ADGRB3: variants seen among roughly 807,000 people sequenced by gnomAD.
ADGRB3 encodes adhesion G protein-coupled receptor B3.
Under a neutral mutation model 193.4 loss-of-function variants are expected in ADGRB3, and 37 were observed. The ratio of observed to expected loss-of-function variants is 0.19; its 90% CI spans 0.15 to 0.25. The LOEUF (loss-of-function observed/expected upper bound fraction) is 0.25. Ranked by LOEUF, ADGRB3 falls within the 10% of genes least tolerant of loss-of-function variation. The pLI is 1.00. For missense variants in ADGRB3, 1,637 were observed against 1,852.9 expected (o/e 0.88, Z 2.14); for synonymous variants, 690 against 644.2 (o/e 1.07, Z -1.08).
At chr6:68,667,174 C>T (rs544187696) in intron 3 of ADGRB3, among the ~76,000 whole-genome samples, 18 of 151,918 alleles carry the variant, frequency 1.2e-4, no homozygotes, top group Non-Finnish European at 1.8e-4. Flanking sequence ...AAACTGGTAT[C>T]ATTGGCTAAG....
At chr6:69,382,185 A>G (rs1305928296) in intron 30 of ADGRB3, among the ~76,000 whole-genome samples, 11 of 151,930 alleles carry the variant, frequency 7.2e-5, no homozygotes, top group Admixed American at 7.2e-4. Flanking sequence ...TACACAATTT[A>G]TGCTCTGAAC....
chr6:69,290,088 T>C (rs2127292206), intron 20 of ADGRB3, among the ~76,000 whole-genome samples: 1 of 152,164 alleles, frequency 6.6e-6, no homozygotes, highest in African/African-American at 2.4e-5. Context: ...CAGTTCAAGT[T>C]GCTAAGCTCA....
At chr6:68,897,947 A>G (rs1766285745) in intron 3 of ADGRB3, among the ~76,000 whole-genome samples, 1 of 147,794 alleles carries the variant, frequency 6.8e-6, no homozygotes, top group East Asian at 1.9e-4. Context: ...AAACAAATAT[A>G]TATATATAAT....
At chr6:69,259,421 C>A (rs549340733) in intron 20 of ADGRB3, among the ~76,000 whole-genome samples, 1 of 152,100 alleles carries the variant, frequency 6.6e-6, no homozygotes, top group African/African-American at 2.4e-5. Context: ...ATGGGCTGGG[C>A]GCGGTGGCTC....
intron 20 of ADGRB3, among the ~76,000 whole-genome samples, chr6:69,297,365 TCTTTC>T (rs1561980391): frequency 4.6e-4 from 56 of 121,772 alleles, no homozygotes; most frequent in African/African-American, 1.8e-3. Context: ...TCTCTCTCTC[TCTTTC>T]TCTCTCTCTC....
At chr6:69,312,866 C>G (rs1331749051) in intron 20 of ADGRB3, among the ~76,000 whole-genome samples, 4 of 151,612 alleles carry the variant, frequency 2.6e-5, no homozygotes, top group Non-Finnish European at 5.9e-5. Context: ...TTAGGAACTG[C>G]CTAAGTCTAG....
Position 68,943,918 on chromosome 6 carries a change from ACCT to A in ADGRB3, c.1124_1126del (p.Pro375del). 3 of 1,613,856 alleles carry A rather than the reference ACCT, an allele frequency of 1.9e-6. No individual in the cohort carries two copies. Among genetic ancestry groups the A allele is most frequent in the South Asian group, 2.2e-5 (2 of 91,056 alleles). On this transcript the variant is annotated inframe_deletion, in exon 6 of 32. Transcript: ENST00000370598. Reference sequence around the variant, plus strand: ...AAAGAACAAGAACAAGGTCATGCACACCTCCTCAGTATGGAGGAAGGCCGTGTG... The same window carrying A: ...AAAGAACAAGAACAAGGTCATGCACACCTCAGTATGGAGGAAGGCCGTGTG...
chr6:68,876,176 T>A (rs1465644354), intron 3 of ADGRB3, among the ~76,000 whole-genome samples: 2 of 152,146 alleles, frequency 1.3e-5, no homozygotes, highest in Non-Finnish European at 2.9e-5. Flanking sequence ...CCTGTCTAGT[T>A]ATTACTATAC....
intron 20 of ADGRB3, among the ~76,000 whole-genome samples, chr6:69,255,707 T>C (rs2127269557): frequency 6.6e-6 from 1 of 152,330 alleles, no homozygotes; most frequent in South Asian, 2.1e-4. Context: ...TTTAGTTTGA[T>C]TAGATCCCAT....
intron 12 of ADGRB3, among the ~76,000 whole-genome samples, chr6:69,015,303 G>A (rs887538471): frequency 5.3e-5 from 8 of 151,982 alleles, no homozygotes; most frequent in Non-Finnish European, 1.5e-5. Flanking sequence ...AACAAATAAT[G>A]AATGGTGGCA....
intron 20 of ADGRB3, among the ~76,000 whole-genome samples, chr6:69,305,985 A>C (rs1768059802): frequency 6.6e-6 from 1 of 151,552 alleles, no homozygotes; most frequent in Non-Finnish European, 1.5e-5. Context: ...TGTATTATAT[A>C]TTGTAAGTAA....
At chr6:69,360,004 A>G (rs1769418527) in intron 28 of ADGRB3, among the ~76,000 whole-genome samples, 1 of 151,792 alleles carries the variant, frequency 6.6e-6, no homozygotes, top group African/African-American at 2.4e-5. Context: ...AAAAACTAAA[A>G]TATATTTTAA....
chr6:68,638,032 A>T (rs1307221851), intron 2 of ADGRB3, among the ~76,000 whole-genome samples: 2 of 152,234 alleles, frequency 1.3e-5, no homozygotes, highest in African/African-American at 4.8e-5. Context: ...TTTGCAAAGG[A>T]ATTTCTGAGC....
At chr6:68,992,443 A>G (rs1398151542) in intron 10 of ADGRB3, among the ~76,000 whole-genome samples, 2 of 152,142 alleles carry the variant, frequency 1.3e-5, no homozygotes, top group Non-Finnish European at 2.9e-5. Context: ...TCTTTCATGA[A>G]TAAATACGTA....
rs186498495 is a variant in ADGRB3 at position 69,025,079 on chromosome 6, G to A, written c.2107+6580G>A. On this transcript the variant is annotated intron_variant, in intron 13 of 31. Transcript: ENST00000370598. Reference sequence around the variant, plus strand: ...TGCACTCCAGCCTGGGCGACAGAGCGAGACTCCGTCTCAAAAAAAAAAAAA... The same window carrying A: ...TGCACTCCAGCCTGGGCGACAGAGCAAGACTCCGTCTCAAAAAAAAAAAAA... Among the ~76,000 whole-genome samples the A allele has an allele frequency of 3.7e-3, 523 of 142,940 alleles. 3 individuals are homozygous for A. The highest frequency in any genetic ancestry group is 0.012 in the African/African-American group (465 of 38,526). The allele number at this position is 142,940 out of a possible 152,430, so 93.8% of individuals were successfully genotyped here.
At chr6:69,012,325 G>A (rs1056680962) in intron 11 of ADGRB3, among the ~76,000 whole-genome samples, 10 of 152,138 alleles carry the variant, frequency 6.6e-5, no homozygotes, top group African/African-American at 1.4e-4. Context: ...GCTGGCAGGG[G>A]TTAGAATGCA....
intron 5 of ADGRB3, among the ~76,000 whole-genome samples, chr6:68,938,367 T>G (rs909303811): frequency 5.3e-5 from 8 of 151,566 alleles, no homozygotes; most frequent in African/African-American, 1.5e-4. Flanking sequence ...GACCAGGGGA[T>G]TCTATTTTAT....
chr6:69,012,208 TTTTTG>T (rs753933717), intron 11 of ADGRB3, among the ~76,000 whole-genome samples: 7 of 151,996 alleles, frequency 4.6e-5, no homozygotes, highest in Admixed American at 4.6e-4. Flanking sequence ...TTTTTTTTTG[TTTTTG>T]TTTTGTTTTG....
intron 17 of ADGRB3, among the ~76,000 whole-genome samples, chr6:69,214,567 A>G (rs1765735461): frequency 6.6e-6 from 1 of 152,106 alleles, no homozygotes; most frequent in African/African-American, 2.4e-5. Flanking sequence ...TTTTAGCTGT[A>G]AAGACTAGAT....
Sources: allele counts gnomAD v4.1 joint callset (sites outside exome capture counted in the v4.1 genomes callset), GRCh38; gene constraint gnomAD v4.1.1; transcripts MANE v1.5; gene names NCBI Gene and HGNC (gene_info 2026-07-23, HGNC 2026-07-21).